The following PCDHGA8 variants were observed in gnomAD, a reference collection of about 807,000 sequenced individuals.
PCDHGA8 encodes protocadherin gamma-A8.
Under a neutral mutation model 59.2 loss-of-function variants are expected in PCDHGA8, and 45 were observed. The ratio of observed to expected loss-of-function variants is 0.76; its 90% CI spans 0.60 to 0.98. The LOEUF is 0.98. Ranked by LOEUF, PCDHGA8 falls within the 50% of genes least tolerant of loss-of-function variation. The pLI, the probability that PCDHGA8 is intolerant of heterozygous loss-of-function variation, is 0.00. For missense variants in PCDHGA8, 1,257 were observed against 1,196.2 expected (o/e 1.05, Z -0.75); for synonymous variants, 531 against 519.0 (o/e 1.02, Z -0.32).
intron 1 of PCDHGA8, chr5:141,418,426 C>A: frequency 6.2e-7 from 1 of 1,613,948 alleles, no homozygotes; most frequent in South Asian, 1.1e-5. Flanking sequence ...CTGATGGTGG[C>A]AAATATCCAG....
At chr5:141,427,327 C>T (rs2097016376) in intron 1 of PCDHGA8, 1 of 457,028 alleles carries the variant, frequency 2.2e-6, no homozygotes, top group African/African-American at 2.0e-5. Flanking sequence ...GTGGTTTTTA[C>T]TTCAGTGTCC....
chr5:141,403,487 T>C, intron 1 of PCDHGA8: 1 of 1,613,930 alleles, frequency 6.2e-7, no homozygotes. Flanking sequence ...TCACCACTTC[T>C]CCCTGAACGT....
In PCDHGA8 at chr5:141,432,139, T is replaced by A. The variant is rs950514553; in HGVS notation, c.2424+36902T>A. ...TCCCTCAGGCCTCCTATTCCGCTTA[T>A]ATCCCAGAGAACAATCCCAGAGGAG... is the stretch of plus-strand genomic sequence containing the variant. On this transcript the variant is annotated intron_variant, in intron 1 of 3. Transcript: ENST00000398604. The surrounding 1 kb of genome is among the most constrained non-coding windows in gnomAD (Gnocchi z 6.0). The A allele has an allele frequency of 6.8e-6, 11 of 1,613,976 alleles. No individual in the cohort carries two copies. Among genetic ancestry groups the A allele is most frequent in the Non-Finnish European group, 9.3e-6 (11 of 1,180,032 alleles).
At chr5:141,505,559 G>A (rs1215110084) in intron 3 of PCDHGA8, 78 bp downstream of exon 3, 27 of 1,604,592 alleles carry the variant, frequency 1.7e-5, no homozygotes, top group Non-Finnish European at 2.0e-5. Flanking sequence ...CCATGCCCAC[G>A]GACTGGATGT....
intron 1 of PCDHGA8, among the ~76,000 whole-genome samples, chr5:141,455,393 C>G (rs574741955): frequency 6.4e-4 from 97 of 152,150 alleles, no homozygotes; most frequent in African/African-American, 2.2e-3. Flanking sequence ...GAAGGAGCTC[C>G]CCCTTACAGA....
chr5:141,503,417 A>T (rs1431276679), intron 2 of PCDHGA8, among the ~76,000 whole-genome samples: 2 of 151,968 alleles, frequency 1.3e-5, no homozygotes, highest in Non-Finnish European at 2.9e-5. Flanking sequence ...CAATATGGTG[A>T]AACCCCATCT....
intron 1 of PCDHGA8, chr5:141,405,168 A>G: frequency 1.2e-6 from 2 of 1,613,960 alleles, no homozygotes. Flanking sequence ...CCCACCTCAC[A>G]CTTTGTGGGT....
chr5:141,495,817 T>G (rs2099764054), intron 2 of PCDHGA8, among the ~76,000 whole-genome samples: 1 of 152,110 alleles, frequency 6.6e-6, no homozygotes, highest in African/African-American at 2.4e-5. Context: ...TAGCGCCTTG[T>G]GTTCTTCTAT....
chr5:141,423,230 G>A (rs1223173152), intron 1 of PCDHGA8: 1 of 1,613,872 alleles, frequency 6.2e-7, no homozygotes, highest in East Asian at 2.2e-5. Flanking sequence ...GTGGCCGACA[G>A]CATCCCCGAA....
At position 141,431,026 on chromosome 5, in the gene PCDHGA8, G is replaced by A; in HGVS notation, c.2424+35789G>A. On this transcript the variant is annotated intron_variant, in intron 1 of 3. Coordinates refer to ENST00000398604, the MANE Select transcript of PCDHGA8 (RefSeq NM_032088.2). This position sits in a 1 kb window ranked among gnomAD's most constrained non-coding sequence, Gnocchi z 4.8. Reference sequence around the variant, plus strand: ...GCGGCAGCTTGGTCACGGCGGGCAGGATAGACCGGGAGGAGCTCTGTATGG... The same window carrying A: ...GCGGCAGCTTGGTCACGGCGGGCAGAATAGACCGGGAGGAGCTCTGTATGG... The A allele has an allele frequency of 1.2e-6, 2 of 1,614,118 alleles. No homozygotes were observed. The highest frequency in any genetic ancestry group is 1.7e-6 in the Non-Finnish European group (2 of 1,179,960).
At chr5:141,402,534 TAC>T (rs2094278313) in intron 1 of PCDHGA8, among the ~76,000 whole-genome samples, 1 of 152,346 alleles carries the variant, frequency 6.6e-6, no homozygotes, top group Non-Finnish European at 1.5e-5. Context: ...GATTTTATAA[TAC>T]ACTTACAGAA....
At chr5:141,427,838 C>T (rs978867590) in intron 1 of PCDHGA8, 4 of 1,546,186 alleles carry the variant, frequency 2.6e-6, no homozygotes, top group Non-Finnish European at 1.8e-6. Flanking sequence ...AGCGTGCCTT[C>T]GACCACGAGC....
intron 1 of PCDHGA8, among the ~76,000 whole-genome samples, chr5:141,425,417 G>A (rs1238708306): frequency 2.0e-5 from 3 of 152,162 alleles, no homozygotes; most frequent in East Asian, 3.9e-4. Context: ...ATAACATATA[G>A]TCCCATTAAA....
In PCDHGA8 at chr5:141,394,793, C is replaced by T. The variant is rs1178290546; in HGVS notation, c.1980C>T (p.Leu660=). ...CCCCTCTCTCCGCCACTGTCACGCT[C>T]ACCGTAGCCGTGGCTGACAGCATCC... ...GQPPLSATVT[L]TVAVADSIPE... is the part of the protein sequence containing the mutation. Residue 660 remains leucine, a synonymous_variant, in exon 1 of 4, where the codon CTC becomes CTT. Coordinates refer to ENST00000398604, the MANE Select transcript of PCDHGA8 (RefSeq NM_032088.2). The T allele has an allele frequency of 1.1e-5, 17 of 1,613,654 alleles. No homozygotes were observed. Among genetic ancestry groups the T allele is most frequent in the African/African-American group, 2.7e-5 (2 of 74,950 alleles).
At chr5:141,417,851 G>A (rs1196210157) in intron 1 of PCDHGA8, 1 of 1,543,512 alleles carries the variant, frequency 6.5e-7, no homozygotes, top group Non-Finnish European at 8.8e-7. Flanking sequence ...GCGAGAACCC[G>A]AGCGAACGAT....
chr5:141,496,876 A>G (rs964149656), intron 2 of PCDHGA8, among the ~76,000 whole-genome samples: 1 of 149,154 alleles, frequency 6.7e-6, no homozygotes, highest in African/African-American at 2.5e-5. Flanking sequence ...AAAATTTGCA[A>G]CAAGTAACAC....
intron 1 of PCDHGA8, chr5:141,441,697 C>T: frequency 6.5e-6 from 2 of 307,306 alleles, no homozygotes; most frequent in Non-Finnish European, 1.3e-5. Flanking sequence ...CAGCCGCGAG[C>T]CTTCAAGCTC....
intron 1 of PCDHGA8, chr5:141,399,804 G>A (rs1191609127): frequency 2.5e-6 from 4 of 1,613,224 alleles, no homozygotes; most frequent in East Asian, 2.2e-5. Flanking sequence ...CGCGGGTGCT[G>A]TACCCCGCGC....
chr5:141,410,779 T>C, intron 1 of PCDHGA8: 4 of 947,572 alleles, frequency 4.2e-6, no homozygotes, highest in Non-Finnish European at 6.0e-6. Flanking sequence ...TTTCACTATG[T>C]ATTTGGTTCA....
Sources: gnomAD v4.1 joint callset for allele counts (sites outside exome capture counted in the v4.1 genomes callset) on GRCh38, gnomAD v4.1.1 for gene constraint, Gnocchi (gnomAD v3.1) non-coding constraint, MANE v1.5 for transcripts, NCBI Gene and HGNC (gene_info 2026-07-23, HGNC 2026-07-21) for gene names.